The following VIRMA variants were observed in gnomAD, a reference collection of about 807,000 sequenced individuals.
VIRMA encodes vir like m6A methyltransferase associated, also known as protein virilizer homolog.
VIRMA carries 65 observed loss-of-function variants against 182.4 expected under a neutral mutation model. The ratio of observed to expected loss-of-function variants is 0.36; its 90% CI spans 0.29 to 0.44. The LOEUF (loss-of-function observed/expected upper bound fraction) is 0.44. Among genes scored for constraint, VIRMA ranks in the 20% least tolerant of loss-of-function variants. The pLI is 1.00. For missense variants in VIRMA, 1,752 were observed against 2,158.1 expected (o/e 0.81, Z 3.73); for synonymous variants, 709 against 743.1 (o/e 0.95, Z 0.75).
intron 1 of VIRMA, among the ~76,000 whole-genome samples, chr8:94,549,181 T>G (rs574628603): frequency 2.6e-5 from 4 of 152,240 alleles, no homozygotes; most frequent in Admixed American, 1.3e-4. Context: ...ATTGGCCTTA[T>G]AAATGTGTAT....
At chr8:94,524,438 G>A (rs34432191) in intron 8 of VIRMA, among the ~76,000 whole-genome samples, 17,121 of 151,960 alleles carry the variant, frequency 0.11, 1,359 homozygotes, top group East Asian at 0.23. Flanking sequence ...CCAAGTAGCT[G>A]GGATTACAGG....
intron 2 of VIRMA, among the ~76,000 whole-genome samples, chr8:94,540,731 G>T (rs1034802639): frequency 2.6e-5 from 4 of 152,046 alleles, no homozygotes; most frequent in African/African-American, 9.6e-5. Context: ...CAAAGTGCTG[G>T]GATTACAGGC....
intron 5 of VIRMA, among the ~76,000 whole-genome samples, chr8:94,531,319 C>T (rs760037907): frequency 2.0e-5 from 3 of 152,130 alleles, no homozygotes; most frequent in Non-Finnish European, 4.4e-5. Context: ...TTTGTGTATA[C>T]ACAGGCAGTC....
chr8:94,534,819 A>G lies in VIRMA; in HGVS notation c.484+20T>C. ...CACGGATATAAGTTTCACTTGCAAAAGCAAATTTAAAATTCTCACCATGTT... is the reference window on the plus strand; with the variant it reads ...CACGGATATAAGTTTCACTTGCAAAGGCAAATTTAAAATTCTCACCATGTT... On this transcript the variant is annotated intron_variant, in intron 5 of 23. Transcript: ENST00000297591. 6.2e-7 allele frequency: 1 copy of G among 1,610,130 alleles called. No individual in the cohort carries two copies. The highest frequency in any genetic ancestry group is 1.1e-5 in the South Asian group (1 of 89,924).
At position 94,541,885 on chromosome 8, in the gene VIRMA, T is replaced by C. The variant is rs576950119; in HGVS notation, c.179+1942A>G. 4.6e-5 allele frequency among the ~76,000 whole-genome samples: 7 copies of C among 152,354 alleles called. No individual in the cohort carries two copies. In the East Asian group the frequency reaches 1.3e-3, roughly 29 times the overall value. On this transcript the variant is annotated intron_variant, in intron 2 of 23. Coordinates refer to ENST00000297591, the MANE Select transcript of VIRMA (RefSeq NM_015496.5). ...TTACTGCGTTAATACTTTATTTTACTGTTCTGTAGCATACTAATGATGTAT... is the reference window on the plus strand; with the variant it reads ...TTACTGCGTTAATACTTTATTTTACCGTTCTGTAGCATACTAATGATGTAT...
intron 5 of VIRMA, among the ~76,000 whole-genome samples, chr8:94,532,299 G>T (rs1249377943): frequency 6.6e-6 from 1 of 152,142 alleles, no homozygotes; most frequent in African/African-American, 2.4e-5. Context: ...TAGACATGAG[G>T]TTTCACCATG....
intron 1 of VIRMA, chr8:94,546,717 A>C (rs1815779639): frequency 5.9e-6 from 2 of 336,590 alleles, no homozygotes; most frequent in South Asian, 2.3e-5. Flanking sequence ...CCCCCGTCCC[A>C]ACCTTCCCCC....
intron 1 of VIRMA, among the ~76,000 whole-genome samples, chr8:94,544,308 T>A (rs974130942): frequency 6.6e-6 from 1 of 152,122 alleles, no homozygotes; most frequent in Admixed American, 6.6e-5. Flanking sequence ...AGACCCCCAG[T>A]GGCTTCTGCA....
At chr8:94,531,495 A>G (rs1483492076) in intron 5 of VIRMA, among the ~76,000 whole-genome samples, 2 of 152,216 alleles carry the variant, frequency 1.3e-5, no homozygotes, top group East Asian at 1.9e-4. Flanking sequence ...ATCTATATTA[A>G]TAACATCGGA....
Position 94,510,587 on chromosome 8 carries a change from A to G in VIRMA, c.3456T>C (p.His1152=), listed in dbSNP as rs137933723. 195 of 1,614,166 alleles carry G rather than the reference A, an allele frequency of 1.2e-4. 2 individuals carry two copies. The South Asian group carries it at 1.4e-3, about 12-fold the overall frequency. Residue 1152 remains histidine, a synonymous_variant, in exon 14 of 24, where the codon CAT becomes CAC. Transcript: ENST00000297591. The part of the protein sequence containing the change: ...NTRKLWSMHL[H]VQAKLLQEIV... ...TTTCTTGGAGCAACTTTGCTTGAAC[A>G]TGAAGGTGCATGCTCCACAATTTTC...
intron 1 of VIRMA, among the ~76,000 whole-genome samples, chr8:94,544,544 C>G (rs1022447278): frequency 4.6e-5 from 7 of 151,442 alleles, no homozygotes; most frequent in African/African-American, 1.5e-4. Context: ...ACCTGTAGTC[C>G]CAGCTACTTG....
At chr8:94,514,303 C>T (rs1040630602) in intron 11 of VIRMA, among the ~76,000 whole-genome samples, 1 of 152,190 alleles carries the variant, frequency 6.6e-6, no homozygotes, top group African/African-American at 2.4e-5. Flanking sequence ...GACTAATAAA[C>T]ACTGCTGTAA....
intron 10 of VIRMA, among the ~76,000 whole-genome samples, chr8:94,517,346 G>A (rs1398416350): frequency 6.6e-6 from 1 of 152,168 alleles, no homozygotes; most frequent in Non-Finnish European, 1.5e-5. Flanking sequence ...GGAACCACAG[G>A]CGTGTGCCAG....
intron 10 of VIRMA, 73 bp downstream of exon 10, chr8:94,517,715 G>T: frequency 9.6e-7 from 1 of 1,041,690 alleles, no homozygotes; most frequent in Non-Finnish European, 1.4e-6. Flanking sequence ...CATGATGAAG[G>T]ACTAATTACA....
At chr8:94,552,343 G>A (rs923069744) in intron 1 of VIRMA, among the ~76,000 whole-genome samples, 5 of 151,476 alleles carry the variant, frequency 3.3e-5, no homozygotes, top group African/African-American at 9.8e-5. Context: ...ATAAAAGAAA[G>A]AACATTTTAA....
At chr8:94,519,599 G>C in intron 8 of VIRMA, 123 bp from the exon 9 acceptor site, 1 of 931,592 alleles carries the variant, frequency 1.1e-6, no homozygotes, top group South Asian at 2.6e-5. Context: ...GTAATATACT[G>C]CTTTAACTGA....
At chr8:94,522,584 A>G (rs1295592254) in intron 8 of VIRMA, among the ~76,000 whole-genome samples, 18 of 152,070 alleles carry the variant, frequency 1.2e-4, no homozygotes, top group Non-Finnish European at 1.5e-4. Flanking sequence ...CACAGCTCCA[A>G]TTGCTACCCT....
At chr8:94,537,024 G>T in intron 4 of VIRMA, 79 bp downstream of exon 4, 1 of 939,592 alleles carries the variant, frequency 1.1e-6, no homozygotes, top group Non-Finnish European at 1.8e-6. Flanking sequence ...CTGCAACACT[G>T]ATTTATGTGG....
intron 23 of VIRMA, among the ~76,000 whole-genome samples, chr8:94,489,700 A>G (rs1813550863): frequency 6.6e-6 from 1 of 152,110 alleles, no homozygotes; most frequent in Non-Finnish European, 1.5e-5. Context: ...TAATATATAT[A>G]TAACATATAA....
Sources: allele counts gnomAD v4.1 joint callset (sites outside exome capture counted in the v4.1 genomes callset), GRCh38; gene constraint gnomAD v4.1.1; transcripts MANE v1.5; gene names NCBI Gene and HGNC (gene_info 2026-07-23, HGNC 2026-07-21).